The following CAMK1D variants were observed in gnomAD, a reference collection of about 807,000 sequenced individuals.
CAMK1D encodes calcium/calmodulin-dependent protein kinase type 1D.
Under a neutral mutation model 47.7 loss-of-function variants are expected in CAMK1D, and 9 were observed. The ratio of observed to expected loss-of-function variants is 0.19; its 90% CI spans 0.11 to 0.33. CAMK1D has a LOEUF of 0.33. CAMK1D is among the 10% of genes least tolerant of loss of function. CAMK1D has a pLI of 1.00. For synonymous variants in CAMK1D, 184 were observed against 184.9 expected, an observed-to-expected ratio of 0.99 and a Z score of 0.04; for missense variants, 291 against 488.7, an observed-to-expected ratio of 0.60 and a Z score of 3.81.
intron 2 of CAMK1D, among the ~76,000 whole-genome samples, chr10:12,662,685 C>T (rs1840310334): frequency 6.7e-6 from 1 of 148,574 alleles, no homozygotes; most frequent in Non-Finnish European, 1.5e-5. Context: ...TTTGGTAGAA[C>T]TTCAGATTAA....
At chr10:12,481,277 C>G (rs1198949740) in intron 1 of CAMK1D, among the ~76,000 whole-genome samples, 1 of 152,088 alleles carries the variant, frequency 6.6e-6, no homozygotes, top group Non-Finnish European at 1.5e-5. Context: ...CCAGGTGGCC[C>G]CACCTGGACC....
At chr10:12,621,312 A>G (rs1405147816) in intron 2 of CAMK1D, among the ~76,000 whole-genome samples, 1 of 152,224 alleles carries the variant, frequency 6.6e-6, no homozygotes, top group East Asian at 1.9e-4. Context: ...CATGGCTACA[A>G]AAATTTTTTG....
intron 1 of CAMK1D, among the ~76,000 whole-genome samples, chr10:12,473,509 C>T (rs937356979): frequency 3.3e-5 from 5 of 152,108 alleles, no homozygotes; most frequent in African/African-American, 1.2e-4. Context: ...TCTGGTATTT[C>T]GTAGATATTA....
intron 1 of CAMK1D, among the ~76,000 whole-genome samples, chr10:12,408,248 G>A (rs1223024702): frequency 1.3e-5 from 2 of 151,468 alleles, no homozygotes; most frequent in Admixed American, 6.6e-5. Context: ...TGCAAGCTCC[G>A]CCTCCCGGGC....
chr10:12,360,871 TTCTC>T (rs2131840310), intron 1 of CAMK1D, among the ~76,000 whole-genome samples: 1 of 152,286 alleles, frequency 6.6e-6, no homozygotes, highest in East Asian at 1.9e-4. Flanking sequence ...CTTTCTTTCT[TTCTC>T]CCGGGCCAGG....
At chr10:12,573,337 T>C (rs1837385070) in intron 2 of CAMK1D, among the ~76,000 whole-genome samples, 1 of 152,180 alleles carries the variant, frequency 6.6e-6, no homozygotes, top group African/African-American at 2.4e-5. Context: ...GAGACGATGA[T>C]GGAGACGATG....
intron 2 of CAMK1D, among the ~76,000 whole-genome samples, chr10:12,596,812 C>T (rs950348924): frequency 2.6e-5 from 4 of 152,120 alleles, no homozygotes; most frequent in Non-Finnish European, 5.9e-5. Flanking sequence ...CTCCAGTCCC[C>T]CTTTCCCACC....
At chr10:12,357,527 GCTGGTCTAAAACTTCTGACGC>G (rs1837553751) in intron 1 of CAMK1D, among the ~76,000 whole-genome samples, 1 of 152,138 alleles carries the variant, frequency 6.6e-6, no homozygotes, top group African/African-American at 2.4e-5. Context: ...TGTTGCCCAG[GCTGGTCTAAAACTTCTGACGC>G]CAAGTGATCT....
rs555795626 is a variant in CAMK1D, at chr10:12,768,120, G to A, written c.439-1553G>A. Among the ~76,000 whole-genome samples, 11 of 152,278 alleles carry A rather than the reference G, an allele frequency of 7.2e-5. No homozygotes were observed. The East Asian group carries it at 1.9e-3, about 27-fold the overall frequency. On this transcript the variant is annotated intron_variant, in intron 4 of 10. Transcript: ENST00000619168. ...ACTCCTGACCTCAGGTGATCCACCT[G>A]CCTTGGCCTCCAAAAGTGCTGGGAT...
intron 2 of CAMK1D, among the ~76,000 whole-genome samples, chr10:12,663,621 G>A (rs962410220): frequency 2.0e-5 from 3 of 152,106 alleles, no homozygotes; most frequent in African/African-American, 2.4e-5. Flanking sequence ...CTTGTGTCTC[G>A]TTCTCCACCA....
At chr10:12,436,499 A>G (rs1034835567) in intron 1 of CAMK1D, among the ~76,000 whole-genome samples, 4 of 152,218 alleles carry the variant, frequency 2.6e-5, no homozygotes, top group Non-Finnish European at 5.9e-5. Flanking sequence ...TTTTGAAAGA[A>G]AGGACAACTT....
At chr10:12,421,606 A>G (rs1485017847) in intron 1 of CAMK1D, among the ~76,000 whole-genome samples, 1 of 126,762 alleles carries the variant, frequency 7.9e-6, no homozygotes, top group African/African-American at 3.1e-5. Context: ...ACTCACTACG[A>G]CCTCTGCCTC....
intron 3 of CAMK1D, among the ~76,000 whole-genome samples, chr10:12,730,443 A>G (rs1186760977): frequency 6.6e-6 from 1 of 152,184 alleles, no homozygotes; most frequent in Non-Finnish European, 1.5e-5. Context: ...GTCATATCCA[A>G]GTGAAGAGTT....
chr10:12,558,119 G>C (rs1564410765), intron 2 of CAMK1D, among the ~76,000 whole-genome samples: 2 of 152,242 alleles, frequency 1.3e-5, no homozygotes, highest in Non-Finnish European at 2.9e-5. Flanking sequence ...ACTCTAGATA[G>C]AACAGTTAGT....
intron 1 of CAMK1D, among the ~76,000 whole-genome samples, chr10:12,449,682 GTCAGTCATACC>G: frequency 6.6e-6 from 1 of 151,672 alleles, no homozygotes; most frequent in East Asian, 1.9e-4. Context: ...ATTTTTATTT[GTCAGTCATACC>G]TCAGTAAAGC....
At chr10:12,736,115 C>T (rs573055728) in intron 3 of CAMK1D, among the ~76,000 whole-genome samples, 5 of 152,340 alleles carry the variant, frequency 3.3e-5, no homozygotes, top group Admixed American at 2.6e-4. Context: ...TCCATGATGG[C>T]GCCAAACGGC....
At position 12,833,106 on chromosome 10, in the gene CAMK1D, A is replaced by G. The variant is rs1833445426; in HGVS notation, c.*4219A>G. The G allele has an allele frequency of 6.6e-6, 1 of 152,528 alleles. No homozygotes were observed. 9.4% of individuals were successfully genotyped at this position (152,528 alleles called of 1,614,324 possible). On this transcript the variant is annotated 3_prime_UTR_variant, in exon 11 of 11. Transcript: ENST00000619168. ...GGGTGACAGAGCAAGACTCCGTCTC[A>G]AAAAAGATGGCCATGCTGGCCAAGG... is the stretch of plus-strand genomic sequence containing the variant.
rs555326336 is a variant in CAMK1D, at chr10:12,757,645, G to C, written c.300-3303G>C. 2.6e-5 allele frequency among the ~76,000 whole-genome samples: 4 copies of C among 152,166 alleles called. No homozygotes were observed. The South Asian group carries it at 8.3e-4, about 32-fold the overall frequency. ...GGCTGCCACAACAAAATACCATATAGATTGGGTTAAACAACAGAAATTGAT... is the reference window on the plus strand; with the variant it reads ...GGCTGCCACAACAAAATACCATATACATTGGGTTAAACAACAGAAATTGAT... On this transcript the variant is annotated intron_variant, in intron 3 of 10. Coordinates refer to ENST00000619168, the MANE Select transcript of CAMK1D (RefSeq NM_153498.4).
Position 12,514,789 on chromosome 10 carries a change from C to T in CAMK1D, c.93-38436C>T, listed in dbSNP as rs150679539. On this transcript the variant is annotated intron_variant, in intron 1 of 10. Transcript: ENST00000619168. ...GAAGTGTCTAATACAATGTGTGGTA[C>T]ATGGCTAGTGCCGTGTATTTACTGG... Among the ~76,000 whole-genome samples, 581 of 152,358 alleles carry T rather than the reference C, an allele frequency of 3.8e-3. 4 individuals are homozygous for T. Among genetic ancestry groups the T allele is most frequent in the Non-Finnish European group, 4.0e-3 (269 of 68,030 alleles).
Sources: allele counts gnomAD v4.1 joint callset (sites outside exome capture counted in the v4.1 genomes callset), GRCh38; gene constraint gnomAD v4.1.1; transcripts MANE v1.5; gene names NCBI Gene and HGNC (gene_info 2026-07-23, HGNC 2026-07-21).